The following TET1 variants were observed in gnomAD, a reference collection of about 807,000 sequenced individuals.
TET1 encodes the protein methylcytosine dioxygenase TET1.
A neutral mutation model predicts 148.7 loss-of-function variants in TET1; 13 were observed. That is an observed-to-expected ratio of 0.09 (90% confidence interval 0.06 to 0.14). The LOEUF is 0.14. Among genes scored for constraint, TET1 ranks in the 10% least tolerant of loss-of-function variants. The pLI is 1.00. For missense variants in TET1, 2,182 were observed against 2,553.8 expected (o/e 0.85, Z 3.14); for synonymous variants, 907 against 937.2 (o/e 0.97, Z 0.59).
intron 7 of TET1, among the ~76,000 whole-genome samples, chr10:68,671,336 AG>A (rs1409880064): frequency 1.3e-5 from 2 of 152,240 alleles, no homozygotes; most frequent in Non-Finnish European, 2.9e-5. Flanking sequence ...TGCTAAGGAT[AG>A]TGGCCTTTAG....
chr10:68,664,767 T>C (rs2055173858), intron 6 of TET1, among the ~76,000 whole-genome samples: 2 of 145,794 alleles, frequency 1.4e-5, no homozygotes, highest in South Asian at 4.4e-4. Flanking sequence ...CCTGCTTGCC[T>C]TCTTTATTTT....
chr10:68,639,467 T>TC (rs1057100813), intron 3 of TET1, among the ~76,000 whole-genome samples: 2 of 47,854 alleles, frequency 4.2e-5, no homozygotes, highest in East Asian at 1.2e-3. Flanking sequence ...CTACTACTAC[T>TC]ATTATTATTA....
intron 2 of TET1, among the ~76,000 whole-genome samples, chr10:68,596,007 CACACACACACACACACACACAT>C (rs2053982849): frequency 9.8e-6 from 1 of 102,240 alleles, no homozygotes; most frequent in Non-Finnish European, 2.0e-5. Flanking sequence ...CACACACACA[CACACACACACACACACACACAT>C]ATATATATAT....
At chr10:68,607,385 TTTAAG>T (rs1330633477) in intron 3 of TET1, among the ~76,000 whole-genome samples, 1 of 150,702 alleles carries the variant, frequency 6.6e-6, no homozygotes, top group African/African-American at 2.5e-5. Context: ...AATAACTTTA[TTTAAG>T]TTTTGTTTGG....
intron 10 of TET1, among the ~76,000 whole-genome samples, chr10:68,683,640 A>C (rs568666338): frequency 9.9e-5 from 15 of 152,192 alleles, no homozygotes; most frequent in East Asian, 3.9e-4. Context: ...TCTTGATCTC[A>C]TGACCTCGTG....
intron 2 of TET1, among the ~76,000 whole-genome samples, chr10:68,588,585 A>T (rs865976152): frequency 6.6e-6 from 1 of 152,178 alleles, no homozygotes; most frequent in African/African-American, 2.4e-5. Context: ...TTGAGGAATA[A>T]GTCATGTTGA....
intron 4 of TET1, among the ~76,000 whole-genome samples, chr10:68,647,278 ATGTC>A (rs1324553578): frequency 1.3e-5 from 2 of 152,140 alleles, no homozygotes; most frequent in African/African-American, 4.8e-5. Context: ...TCAATGTTGA[ATGTC>A]TGTCAATTTA....
chr10:68,635,765 C>T (rs1005922312), intron 3 of TET1, among the ~76,000 whole-genome samples: 1 of 152,078 alleles, frequency 6.6e-6, no homozygotes, highest in East Asian at 1.9e-4. Flanking sequence ...CTGAGGCAGG[C>T]GGATCACGTG....
intron 3 of TET1, among the ~76,000 whole-genome samples, chr10:68,607,429 TG>T (rs2054141175): frequency 1.3e-5 from 2 of 151,860 alleles, no homozygotes; most frequent in African/African-American, 4.8e-5. Flanking sequence ...TTGTTTTTTT[TG>T]TTTGTTTGTT....
At chr10:68,606,503 A>T (rs990814883) in intron 3 of TET1, among the ~76,000 whole-genome samples, 1 of 152,256 alleles carries the variant, frequency 6.6e-6, no homozygotes, top group African/African-American at 2.4e-5. Flanking sequence ...GTTTTTAAAC[A>T]GACGGTTATA....
At chr10:68,621,533 A>T (rs2054371075) in intron 3 of TET1, among the ~76,000 whole-genome samples, 2 of 152,164 alleles carry the variant, frequency 1.3e-5, no homozygotes, top group Admixed American at 1.3e-4. Context: ...GTGAGCTGAG[A>T]TCGCACCATT....
chr10:68,633,839 A>G (rs1400830150), intron 3 of TET1, among the ~76,000 whole-genome samples: 1 of 152,194 alleles, frequency 6.6e-6, no homozygotes, highest in Non-Finnish European at 1.5e-5. Flanking sequence ...TATCAGGATT[A>G]TAGAGAAATG....
chr10:68,685,872 G>A (rs906406847), intron 10 of TET1, among the ~76,000 whole-genome samples: 6 of 151,994 alleles, frequency 3.9e-5, no homozygotes, highest in Non-Finnish European at 8.8e-5. Flanking sequence ...TTTTTTAACT[G>A]TTAGCGTATA....
At chr10:68,652,083 G>A (rs995658123) in intron 5 of TET1, 147 bp downstream of exon 5, 1 of 712,992 alleles carries the variant, frequency 1.4e-6, no homozygotes, top group Non-Finnish European at 2.3e-6. Context: ...AAAGAGGGGT[G>A]TCCTCGTGTC....
At chr10:68,607,026 G>A (rs1055793427) in intron 3 of TET1, among the ~76,000 whole-genome samples, 1 of 152,058 alleles carries the variant, frequency 6.6e-6, no homozygotes, top group Non-Finnish European at 1.5e-5. Context: ...ACAGGCATTC[G>A]TTTATCACTG....
At chr10:68,671,025 G>A (rs955271669) in intron 7 of TET1, among the ~76,000 whole-genome samples, 2 of 151,494 alleles carry the variant, frequency 1.3e-5, no homozygotes, top group Non-Finnish European at 2.9e-5. Context: ...TCTTTCTGGT[G>A]GAATTTAAAA....
At chr10:68,673,934 T>TC (rs1393590883) in intron 8 of TET1, among the ~76,000 whole-genome samples, 1 of 101,536 alleles carries the variant, frequency 9.8e-6, no homozygotes, top group East Asian at 2.7e-4. Flanking sequence ...TCTTTCTTTT[T>TC]CTTTTTTTTT....
At chr10:68,585,621 T>C (rs1326204290) in intron 2 of TET1, among the ~76,000 whole-genome samples, 1 of 152,126 alleles carries the variant, frequency 6.6e-6, no homozygotes, top group Non-Finnish European at 1.5e-5. Flanking sequence ...TTTTTTATGG[T>C]GAGCTTACCC....
intron 7 of TET1, among the ~76,000 whole-genome samples, chr10:68,667,784 C>T (rs1339789005): frequency 1.3e-5 from 2 of 151,580 alleles, no homozygotes; most frequent in Non-Finnish European, 2.9e-5. Flanking sequence ...TATTTCATTG[C>T]TTCCCAAAAA....
Sources: gnomAD v4.1 joint callset for allele counts (sites outside exome capture counted in the v4.1 genomes callset) on GRCh38, gnomAD v4.1.1 for gene constraint, MANE v1.5 for transcripts, NCBI Gene and HGNC (gene_info 2026-07-23, HGNC 2026-07-21) for gene names.